HEPH: variants seen among roughly 807,000 people sequenced by gnomAD.
HEPH encodes the protein hephaestin.
In HEPH, 69 loss-of-function variants were observed where a neutral mutation model predicts 80.8. That is an observed-to-expected ratio of 0.85 (90% CI 0.70 to 1.04). The LOEUF is 1.04. Ranked by LOEUF, HEPH falls within the 50% of genes least tolerant of loss-of-function variation. The pLI, the probability that HEPH is intolerant of heterozygous loss-of-function variation, is 0.00. For synonymous variants in HEPH, 431 were observed against 322.8 expected, an observed-to-expected ratio of 1.34 and a Z score of -3.60; for missense variants, 1,115 against 891.3, an observed-to-expected ratio of 1.25 and a Z score of -3.20.
rs1459403355 is a variant in HEPH at position 66,228,638 on chromosome X, A to G, written c.2563+20392A>G. Among the ~76,000 whole-genome samples the G allele has an allele frequency of 3.2e-4, 36 of 112,313 alleles. No individual in the cohort carries two copies. The Admixed American group carries it at 3.4e-3, about 11-fold the overall frequency. On this transcript the variant is annotated intron_variant, in intron 15 of 20. Transcript: ENST00000343002. ...ATCTTCATAATCTATACATCTGACA[A>G]AGTATTAATATCTGGAATCTACAAG...
At chrX:66,177,169 A>G (rs191865839) in intron 4 of HEPH, among the ~76,000 whole-genome samples, 2,769 of 111,109 alleles carry the variant, frequency 0.025, 94 homozygotes, top group African/African-American at 0.085. Flanking sequence ...ATATGAACAG[A>G]TGGTCTGTAG....
At chrX:66,241,321 G>A (rs180876005) in intron 15 of HEPH, among the ~76,000 whole-genome samples, 1 of 111,544 alleles carries the variant, frequency 9.0e-6, no homozygotes, top group East Asian at 2.8e-4. Context: ...TGGCAAGTTG[G>A]ATAAAGAAGC....
chrX:66,163,136 G>A (rs2086243192), upstream of HEPH, among the ~76,000 whole-genome samples: 1 of 111,379 alleles, frequency 9.0e-6, no homozygotes, highest in Admixed American at 9.6e-5. Context: ...TCTAGTTTAA[G>A]ACCCTCATTG....
At chrX:66,242,592 G>A (rs2090641801) in intron 15 of HEPH, among the ~76,000 whole-genome samples, 1 of 111,755 alleles carries the variant, frequency 8.9e-6, no homozygotes, top group Non-Finnish European at 1.9e-5. Context: ...CAGAATGGGA[G>A]AAAATATTTT....
At chrX:66,199,821 G>T (rs762644829) in intron 11 of HEPH, among the ~76,000 whole-genome samples, 40 of 112,005 alleles carry the variant, frequency 3.6e-4, no homozygotes, top group Non-Finnish European at 6.6e-4. Context: ...CATAAGGGAA[G>T]TTTATTCCAG....
intron 15 of HEPH, among the ~76,000 whole-genome samples, chrX:66,212,006 AT>A (rs761478123): frequency 3.7e-5 from 4 of 107,912 alleles, no homozygotes; most frequent in African/African-American, 1.0e-4. Flanking sequence ...TGTCATTATT[AT>A]TTTTTTTTCT....
upstream of HEPH, chrX:66,162,816 A>G: frequency 2.6e-6 from 3 of 1,155,568 alleles, no homozygotes; most frequent in Non-Finnish European, 3.4e-6. Context: ...AGAAGAGGAA[A>G]ATGTGCCCAG....
downstream of HEPH, chrX:66,267,632 G>A (rs763945686): frequency 9.0e-6 from 1 of 111,629 alleles, no homozygotes; most frequent in South Asian, 3.8e-4. Context: ...AAATTTGCCA[G>A]AGGGAAATAG....
intron 4 of HEPH, among the ~76,000 whole-genome samples, chrX:66,178,864 G>C (rs991790902): frequency 1.8e-5 from 2 of 111,796 alleles, no homozygotes; most frequent in Admixed American, 1.9e-4. Context: ...CAGATGAGTA[G>C]ATTGCAAAAA....
upstream of HEPH, among the ~76,000 whole-genome samples, chrX:66,163,239 A>T (rs1180606505): frequency 9.0e-6 from 1 of 111,304 alleles, no homozygotes; most frequent in East Asian, 2.8e-4. Flanking sequence ...TGGGGCGAGA[A>T]CCTTGGTCAC....
At chrX:66,194,686 G>T (rs1469217567) in intron 8 of HEPH, among the ~76,000 whole-genome samples, 1 of 111,655 alleles carries the variant, frequency 9.0e-6, no homozygotes, top group Non-Finnish European at 1.9e-5. Flanking sequence ...GTAGCTATGG[G>T]ATCTGGGACA....
At chrX:66,186,232 C>T (rs1328532621) in intron 4 of HEPH, among the ~76,000 whole-genome samples, 28 of 94,406 alleles carry the variant, frequency 3.0e-4, no homozygotes, top group African/African-American at 6.7e-4. Flanking sequence ...GGGCTCCCCC[C>T]AGTTCGAGCT....
At chrX:66,261,882 A>G (rs924108410) in intron 19 of HEPH, among the ~76,000 whole-genome samples, 1 of 112,657 alleles carries the variant, frequency 8.9e-6, no homozygotes, top group African/African-American at 3.2e-5. Flanking sequence ...TTGTAAGTAC[A>G]TAGAACAAAA....
intron 15 of HEPH, among the ~76,000 whole-genome samples, chrX:66,252,800 T>C (rs938302960): frequency 4.7e-4 from 53 of 111,733 alleles, no homozygotes; most frequent in African/African-American, 1.6e-3. Flanking sequence ...AAATAAACCC[T>C]CTAATTTTTG....
rs1602202681 is a variant in HEPH at position 66,173,722 on chromosome X, C to G, written c.546C>G (p.Thr182=). 8.3e-7 allele frequency: 1 copy of G among 1,207,224 alleles called. No homozygotes were observed. The highest frequency in any genetic ancestry group is 1.1e-6 in the Non-Finnish European group (1 of 893,820). ...CCGATGCTGACCCAGCGTGCCTCAC[C>G]TGGATCTACCATTCTCATGTAGATG... is the stretch of plus-strand genomic sequence containing the variant. ...APTDADPACL[T]WIYHSHVDAP... is the part of the protein sequence containing the mutation. Residue 182 remains threonine, a synonymous_variant, in exon 4 of 21, where the codon ACC becomes ACG. Transcript: ENST00000343002.
chrX:66,197,655 A>T (rs1198890727), intron 9 of HEPH, 28 bp from the exon 10 acceptor site: 17 of 1,131,907 alleles, frequency 1.5e-5, no homozygotes, highest in Non-Finnish European at 2.1e-5. Context: ...AGTCAATCTA[A>T]GTAATGAGTC....
intron 13 of HEPH, among the ~76,000 whole-genome samples, chrX:66,205,684 C>G (rs1159195512): frequency 9.1e-6 from 1 of 109,464 alleles, no homozygotes; most frequent in Non-Finnish European, 1.9e-5. Flanking sequence ...CAACCACCAC[C>G]TCCCAGGTTC....
chrX:66,267,754 C>A (rs1047864975), downstream of HEPH: 1 of 111,104 alleles, frequency 9.0e-6, no homozygotes, highest in Admixed American at 9.5e-5. Context: ...ACTTTGGGGG[C>A]TTCCTTATAG....
intron 1 of HEPH, among the ~76,000 whole-genome samples, chrX:66,167,297 T>C (rs1031464536): frequency 7.1e-5 from 8 of 111,971 alleles, no homozygotes; most frequent in African/African-American, 1.9e-4. Flanking sequence ...TAGGGGTATG[T>C]TAGGTGGCAT....
Sources: allele counts gnomAD v4.1 joint callset (sites outside exome capture counted in the v4.1 genomes callset), GRCh38; gene constraint gnomAD v4.1.1; transcripts MANE v1.5; gene names NCBI Gene and HGNC (gene_info 2026-07-23, HGNC 2026-07-21).